DNMT1: variants seen among roughly 807,000 people sequenced by gnomAD.
DNMT1 encodes DNA (cytosine-5)-methyltransferase 1.
In DNMT1, 24 loss-of-function variants were observed where a neutral mutation model predicts 205.3. The observed-to-expected ratio is 0.12, with a 90% CI of 0.08 to 0.16. The LOEUF is 0.16. DNMT1 is among the 10% of genes least tolerant of loss of function. The pLI is 1.00. For missense variants in DNMT1, 1,293 were observed against 2,177.7 expected, an observed-to-expected ratio of 0.59 and a Z score of 8.09; for synonymous variants, 817 against 839.8, an observed-to-expected ratio of 0.97 and a Z score of 0.47.
intron 5 of DNMT1, among the ~76,000 whole-genome samples, chr19:10,178,451 AT>A (rs1379256265): frequency 6.6e-6 from 1 of 152,080 alleles, no homozygotes; most frequent in Non-Finnish European, 1.5e-5. Context: ...AAAAAATAAA[AT>A]AAAAATTAAA....
At chr19:10,155,335 C>A (rs1205559997) in intron 19 of DNMT1, among the ~76,000 whole-genome samples, 5 of 150,796 alleles carry the variant, frequency 3.3e-5, no homozygotes, top group Non-Finnish European at 5.9e-5. Flanking sequence ...ATAAGACCTG[C>A]TCTTTTTTTT....
chr19:10,160,952 C>A (rs1003589134), intron 13 of DNMT1, among the ~76,000 whole-genome samples: 1 of 152,094 alleles, frequency 6.6e-6, no homozygotes, highest in South Asian at 2.1e-4. Flanking sequence ...AGAGGAAAAG[C>A]CAATTTTTTA....
chr19:10,151,368 G>A lies in DNMT1; in HGVS notation c.2265+30C>T. On this transcript the variant is annotated intron_variant, in intron 24 of 40. Transcript: ENST00000359526. The surrounding 1 kb of genome is among the most constrained non-coding windows in gnomAD (Gnocchi z 5.0). ...CAACCTGCTTATTGGGAACATGGCA[G>A]TGAGCTGACCAAGGGGCTCCAAGGG... 1.9e-6 allele frequency: 3 copies of A among 1,609,618 alleles called. No homozygotes were observed. The highest frequency in any genetic ancestry group is 2.5e-6 in the Non-Finnish European group (3 of 1,180,010).
In DNMT1 at chr19:10,194,884, C is replaced by T. The variant is rs1487433053; in HGVS notation, c.16G>A (p.Ala6Thr). Residue 6 changes from alanine (A) to threonine (T), a missense_variant, in exon 1 of 41, where the codon GCC (alanine) becomes ACC (threonine). By Grantham distance (58) the Ala-to-Thr change is moderately conservative. Transcript: ENST00000359526. ...GCCAGTGTGGGCACCCGGGCTGGGG[C>T]GGTACGCGCCGGCATCTCGGAGGCT... MPART[A>T]PARVPTLAVP... 5.0e-6 allele frequency: 8 copies of T among 1,609,466 alleles called. No individual in the cohort carries two copies. The highest frequency in any genetic ancestry group is 5.9e-6 in the Non-Finnish European group (7 of 1,178,328).
intron 29 of DNMT1, among the ~76,000 whole-genome samples, chr19:10,143,350 G>A (rs1377122927): frequency 6.6e-6 from 1 of 151,792 alleles, no homozygotes; most frequent in Non-Finnish European, 1.5e-5. Flanking sequence ...CAAGTAGCTG[G>A]GATTACAGGC....
At position 10,193,746 on chromosome 19, in the gene DNMT1, C is replaced by T. The variant is rs140069079; in HGVS notation, c.80+1074G>A. On this transcript the variant is annotated intron_variant, in intron 1 of 40. Transcript: ENST00000359526. ...CCTCCCCAAAGACCCAAATCAGAAC[C>T]GGACTGGCCCAACCAGGTCAGTTAA... 5.5e-3 allele frequency among the ~76,000 whole-genome samples: 829 copies of T among 151,914 alleles called. 10 individuals are homozygous for T. Among genetic ancestry groups the T allele is most frequent in the African/African-American group, 0.019 (794 of 41,416 alleles).
chr19:10,160,202 T>C, intron 14 of DNMT1, 139 bp from the exon 15 acceptor site: 1 of 1,532,786 alleles, frequency 6.5e-7, no homozygotes, highest in Admixed American at 1.8e-5. Context: ...AGGCGCGTGG[T>C]CACAGTGGCT....
Position 10,177,175 on chromosome 19 carries a change from C to T in DNMT1, c.569+117G>A, listed in dbSNP as rs552838549. 32 of 928,340 alleles carry T rather than the reference C, an allele frequency of 3.4e-5. No individual in the cohort carries two copies. In the African/African-American group the frequency reaches 3.6e-4, roughly 11 times the overall value. The allele number at this position is 928,340 out of a possible 1,614,324, so 57.5% of individuals were successfully genotyped here. A position where few individuals can be genotyped will look rare whatever the true frequency, so the allele number is the denominator to read the frequency against. On this transcript the variant is annotated intron_variant, in intron 6 of 40. Transcript: ENST00000359526. The stretch of plus-strand genomic sequence containing the variant: ...TTCATAAATGTCTAGAGAACAGAAC[C>T]GCAAGATGAAAACCTATACAACACG...
At chr19:10,191,038 G>A (rs1012343741) in intron 1 of DNMT1, among the ~76,000 whole-genome samples, 2 of 151,710 alleles carry the variant, frequency 1.3e-5, no homozygotes, top group East Asian at 1.9e-4. Flanking sequence ...GCTTGAACTC[G>A]GGAGGTGGAG....
chr19:10,182,968 C>CAT lies in DNMT1; in HGVS notation c.81-893_81-892dup, dbSNP rs141059857. 6.5e-3 allele frequency among the ~76,000 whole-genome samples: 952 copies of CAT among 146,398 alleles called. 16 individuals carry two copies. The highest frequency in any genetic ancestry group is 0.033 in the East Asian group (165 of 4,962). On this transcript the variant is annotated intron_variant, in intron 1 of 40. Transcript: ENST00000359526. ...GGCATGAGTCACCATGTCTGGCATG[C>CAT]ATATATATATACACGTATATATATA... is the stretch of plus-strand genomic sequence containing the variant.
In DNMT1 at chr19:10,144,394, C is replaced by A. The variant is rs187593460; in HGVS notation, c.2895-407G>T. The A allele has an allele frequency of 5.9e-4, 140 of 237,944 alleles. 1 individual carries two copies. The highest frequency in any genetic ancestry group is 2.8e-3 in the African/African-American group (124 of 43,614). The allele number at this position is 237,944 out of a possible 1,614,324, so 14.7% of individuals were successfully genotyped here. ...CTGCACTCCAGCCTGTGTGACAGAG[C>A]AAGACTCCATCTCACAGAAAAAAAA... On this transcript the variant is annotated intron_variant, in intron 28 of 40. Transcript: ENST00000359526.
rs1190685058 is a variant in DNMT1, at chr19:10,170,281, T to C, written c.769-1917A>G. ...GCCTGAGCGAAAGAGCAAAATTCCA[T>C]CTCAATTAAAAAAAAAGAAAAAAAG... On this transcript the variant is annotated intron_variant, in intron 9 of 40. Transcript: ENST00000359526. Among the ~76,000 whole-genome samples the C allele has an allele frequency of 2.6e-5, 4 of 150,944 alleles. 1 individual carries two copies. The highest frequency in any genetic ancestry group is 9.8e-5 in the African/African-American group (4 of 40,962).
chr19:10,185,911 C>T (rs536829536), intron 1 of DNMT1, among the ~76,000 whole-genome samples: 1 of 151,300 alleles, frequency 6.6e-6, no homozygotes, highest in African/African-American at 2.4e-5. Flanking sequence ...CTCTTCCAGG[C>T]AAAAGTCATT....
At chr19:10,182,384 C>CAT (rs1251787323) in intron 1 of DNMT1, among the ~76,000 whole-genome samples, 2 of 140,084 alleles carry the variant, frequency 1.4e-5, no homozygotes, top group East Asian at 2.0e-4. Context: ...TATATATATA[C>CAT]ATATATATGT....
In DNMT1 at chr19:10,166,580, C is replaced by T. The variant is rs1157828203; in HGVS notation, c.891+18G>A. 4 of 1,613,884 alleles carry T rather than the reference C, an allele frequency of 2.5e-6. No homozygotes were observed. The highest frequency in any genetic ancestry group is 3.4e-6 in the Non-Finnish European group (4 of 1,179,918). ...AGAAGAATGAGGGGGAGTTCAGAAA[C>T]AAATAACCCGCCTTTACTTTCTCGT... On this transcript the variant is annotated intron_variant, in intron 11 of 40. Transcript: ENST00000359526.
At chr19:10,136,765 T>C (rs1002271561) in intron 37 of DNMT1, among the ~76,000 whole-genome samples, 15 of 151,094 alleles carry the variant, frequency 9.9e-5, no homozygotes, top group African/African-American at 3.6e-4. Flanking sequence ...TTGTTTTTTT[T>C]TTTTCTTTTT....
intron 3 of DNMT1, 75 bp from the exon 4 acceptor site, chr19:10,180,644 CCTT>C: frequency 6.7e-7 from 1 of 1,492,562 alleles, no homozygotes; most frequent in Non-Finnish European, 9.3e-7. Context: ...ACATGTGTTT[CCTT>C]CATCATCATC....
In DNMT1 at chr19:10,159,895, C is replaced by A. The variant is rs2145320719; in HGVS notation, c.1117G>T (p.Gly373Trp). 1 of 1,614,158 alleles carries A rather than the reference C, an allele frequency of 6.2e-7. No individual in the cohort carries two copies. Among genetic ancestry groups the A allele is most frequent in the East Asian group, 2.2e-5 (1 of 44,880 alleles). The part of the protein sequence containing the change: ...KTHPPKCIQC[G>W]QYLDDPDLKY... Reference sequence around the variant, plus strand: ...AGGTCAGGGTCGTCCAGGTACTGCCCGCACTGAATGCACTTGGGAGGGTGG... The same window carrying A: ...AGGTCAGGGTCGTCCAGGTACTGCCAGCACTGAATGCACTTGGGAGGGTGG... The change falls in exon 16 of 41, where the codon GGG becomes TGG. Residue 373 changes from glycine (G) to tryptophan (W), a missense_variant. By Grantham distance (184) the Gly-to-Trp change is radical. Transcript: ENST00000359526. The surrounding 1 kb of genome is among the most constrained non-coding windows in gnomAD (Gnocchi z 5.0).
chr19:10,137,060 G>A lies in DNMT1; in HGVS notation c.4489+25C>T, dbSNP rs554185167. On this transcript the variant is annotated intron_variant, in intron 37 of 40. Coordinates refer to ENST00000359526, the MANE Select transcript of DNMT1 (RefSeq NM_001130823.3). This position sits in a 1 kb window ranked among gnomAD's most constrained non-coding sequence, Gnocchi z 6.4. ...CTGCCTTCCTTCCCCTCAGCCCACC[G>A]GGAACCACAACTTACAGGACCCACC... 4.2e-5 allele frequency: 68 copies of A among 1,607,664 alleles called. No homozygotes were observed. Among genetic ancestry groups the A allele is most frequent in the East Asian group, 6.7e-5 (3 of 44,700 alleles).
Sources: gnomAD v4.1 joint callset for allele counts (sites outside exome capture counted in the v4.1 genomes callset) on GRCh38, gnomAD v4.1.1 for gene constraint, Gnocchi (gnomAD v3.1) non-coding constraint, MANE v1.5 for transcripts, NCBI Gene and HGNC (gene_info 2026-07-23, HGNC 2026-07-21) for gene names.